The following RXFP2 variants were observed in gnomAD, a reference collection of about 807,000 sequenced individuals.
RXFP2 encodes the protein relaxin receptor 2.
RXFP2 carries 68 observed loss-of-function variants against 88.6 expected under a neutral mutation model. The ratio of observed to expected loss-of-function variants is 0.77; its 90% CI spans 0.63 to 0.94. The LOEUF (loss-of-function observed/expected upper bound fraction) is 0.94, where lower values mean the gene tolerates loss of function less well. RXFP2 is among the 40% of genes least tolerant of loss of function. The pLI, the probability that RXFP2 is intolerant of heterozygous loss-of-function variation, is 0.00. For missense variants in RXFP2, 791 were observed against 893.9 expected, an observed-to-expected ratio of 0.88 and a Z score of 1.47; for synonymous variants, 329 against 306.8, an observed-to-expected ratio of 1.07 and a Z score of -0.76.
Position 31,777,416 on chromosome 13 carries a change from T to C in RXFP2, c.682T>C (p.Leu228=), listed in dbSNP as rs1318432925. The change falls in exon 8 of 18, where the codon TTG becomes CTG. Residue 228 remains leucine, a synonymous_variant. Coordinates refer to ENST00000298386, the MANE Select transcript of RXFP2 (RefSeq NM_130806.5). ...DNPITRISQR[L]FTGLNSLFFL... is the part of the protein sequence containing the mutation. ...TCCAATAACCAGAATTTCACAGCGCTTGTTTACGGGATTAAATTCCTTGTT... is the reference window on the plus strand; with the variant it reads ...TCCAATAACCAGAATTTCACAGCGCCTGTTTACGGGATTAAATTCCTTGTT... The C allele has an allele frequency of 1.9e-6, 3 of 1,611,926 alleles. No individual in the cohort carries two copies. The highest frequency in any genetic ancestry group is 4.5e-5 in the East Asian group (2 of 44,866).
At chr13:31,783,649 T>A (rs1175322008) in intron 11 of RXFP2, among the ~76,000 whole-genome samples, 1 of 152,216 alleles carries the variant, frequency 6.6e-6, no homozygotes, top group Non-Finnish European at 1.5e-5. Flanking sequence ...GAACTGAAAG[T>A]ATGATCATTT....
chr13:31,778,670 C>G (rs1045127278), intron 9 of RXFP2, 87 bp downstream of exon 9: 1 of 954,692 alleles, frequency 1.0e-6, no homozygotes, highest in African/African-American at 1.6e-5. Flanking sequence ...CTAGAAAGTC[C>G]ATCTATAATT....
chr13:31,797,161 T>A (rs1874089093), intron 16 of RXFP2, 40 bp from the exon 17 acceptor site: 1 of 1,405,238 alleles, frequency 7.1e-7, no homozygotes, highest in African/African-American at 1.4e-5. Flanking sequence ...TACTGTTGAC[T>A]TTTACGCCTG....
intron 9 of RXFP2, among the ~76,000 whole-genome samples, chr13:31,778,960 A>G (rs1431353552): frequency 6.6e-6 from 1 of 152,034 alleles, no homozygotes; most frequent in Non-Finnish European, 1.5e-5. Flanking sequence ...AGACAACTTA[A>G]ACCTCACCTC....
At chr13:31,769,383 G>A (rs771902058) in intron 5 of RXFP2, among the ~76,000 whole-genome samples, 2 of 151,768 alleles carry the variant, frequency 1.3e-5, no homozygotes, top group Non-Finnish European at 1.5e-5. Context: ...TTCTACATAC[G>A]TCTACAGGTA....
intron 1 of RXFP2, among the ~76,000 whole-genome samples, chr13:31,751,844 C>T (rs1593446857): frequency 6.6e-6 from 1 of 152,274 alleles, no homozygotes; most frequent in South Asian, 2.1e-4. Context: ...TCCATTCACT[C>T]GCCTCAGGCA....
chr13:31,755,474 G>A (rs541277642), intron 1 of RXFP2, among the ~76,000 whole-genome samples: 21 of 152,054 alleles, frequency 1.4e-4, no homozygotes, highest in South Asian at 4.2e-4. Flanking sequence ...TGTTGGGAGC[G>A]TGGGTACGGC....
rs772840177 is a variant in RXFP2 at position 31,782,666 on chromosome 13, T to G, written c.858-10T>G. On this transcript the variant is annotated splice_polypyrimidine_tract_variant and intron_variant, in intron 10 of 17. Coordinates refer to ENST00000298386, the MANE Select transcript of RXFP2 (RefSeq NM_130806.5). ...CAAACCCACATGCTGATTCTCGCCA[T>G]GTCTTACAGGTTTCTGCCTAGAAAT... The G allele has an allele frequency of 6.2e-7, 1 of 1,606,742 alleles. No individual in the cohort carries two copies. Among genetic ancestry groups the G allele is most frequent in the Admixed American group, 1.7e-5 (1 of 60,000 alleles).
At chr13:31,795,244 G>T (rs1322629107) in intron 16 of RXFP2, among the ~76,000 whole-genome samples, 1 of 151,624 alleles carries the variant, frequency 6.6e-6, no homozygotes, top group African/African-American at 2.4e-5. Context: ...CCGCCTCCCA[G>T]GTTCAAGTGA....
In RXFP2 at chr13:31,799,777, A is replaced by G. The variant is rs80095424; in HGVS notation, c.2005+2358A>G. Among the ~76,000 whole-genome samples, 445 of 152,256 alleles carry G rather than the reference A, an allele frequency of 2.9e-3. 6 individuals carry two copies. Among genetic ancestry groups the G allele is most frequent in the Admixed American group, 0.024 (365 of 15,290 alleles). The stretch of plus-strand genomic sequence containing the variant: ...GAGGCCACTAGGACTGCTATAACAA[A>G]GGACGTCCAGTTCTGGAGGCTGGAA... On this transcript the variant is annotated intron_variant, in intron 17 of 17. Coordinates refer to ENST00000298386, the MANE Select transcript of RXFP2 (RefSeq NM_130806.5).
chr13:31,776,061 C>CTTCTTTCTTTCTTTCTTTCTTTCTTTCT (rs10648579), intron 7 of RXFP2, among the ~76,000 whole-genome samples: 3 of 103,888 alleles, frequency 2.9e-5, no homozygotes, highest in African/African-American at 1.2e-4. Context: ...TTTCTTTCTT[C>CTTCTTTCTTTCTTTCTTTCTTTCTTTCT]TTCTTTCTTT....
chr13:31,771,081 C>T (rs1320265970), intron 5 of RXFP2, among the ~76,000 whole-genome samples: 1 of 152,216 alleles, frequency 6.6e-6, no homozygotes, highest in Non-Finnish European at 1.5e-5. Flanking sequence ...GGAGAGGTCA[C>T]TGAATCTTGA....
At chr13:31,770,148 A>G (rs968480568) in intron 5 of RXFP2, among the ~76,000 whole-genome samples, 2 of 152,234 alleles carry the variant, frequency 1.3e-5, no homozygotes, top group African/African-American at 4.8e-5. Flanking sequence ...TTGGTCTGCC[A>G]TGTGGTTTCT....
intron 5 of RXFP2, among the ~76,000 whole-genome samples, chr13:31,771,471 T>C (rs1315800671): frequency 6.6e-6 from 1 of 152,174 alleles, no homozygotes; most frequent in Non-Finnish European, 1.5e-5. Context: ...ACTTGAATCA[T>C]CCTGAAACCA....
chr13:31,744,065 C>T (rs1871313704), intron 1 of RXFP2, among the ~76,000 whole-genome samples: 1 of 152,070 alleles, frequency 6.6e-6, no homozygotes, highest in African/African-American at 2.4e-5. Flanking sequence ...CTTTTTTGGC[C>T]TTTGCCTTCT....
At chr13:31,758,203 C>T in intron 1 of RXFP2, 55 bp from the exon 2 acceptor site, 1 of 1,598,198 alleles carries the variant, frequency 6.3e-7, no homozygotes, top group South Asian at 1.1e-5. Context: ...AATGGGACAA[C>T]ACGGAGAGAG....
intron 17 of RXFP2, 73 bp downstream of exon 17, chr13:31,797,492 T>C (rs1377308497): frequency 9.7e-7 from 1 of 1,030,944 alleles, no homozygotes; most frequent in Non-Finnish European, 1.5e-6. Flanking sequence ...AAGGCCAGAG[T>C]CTAGGACACA....
chr13:31,750,279 C>A (rs890361104), intron 1 of RXFP2, among the ~76,000 whole-genome samples: 1 of 152,048 alleles, frequency 6.6e-6, no homozygotes, highest in Non-Finnish European at 1.5e-5. Context: ...AGATGAAAGA[C>A]AATCTTTTCA....
At chr13:31,745,228 C>G (rs17611678) in intron 1 of RXFP2, among the ~76,000 whole-genome samples, 2,384 of 151,290 alleles carry the variant, frequency 0.016, 39 homozygotes, top group Admixed American at 0.053. Flanking sequence ...TTTTGCGGAG[C>G]CCTGGACATT....
Sources: gnomAD v4.1 joint callset for allele counts (sites outside exome capture counted in the v4.1 genomes callset) on GRCh38, gnomAD v4.1.1 for gene constraint, MANE v1.5 for transcripts, NCBI Gene and HGNC (gene_info 2026-07-23, HGNC 2026-07-21) for gene names.